TLN2: variants seen among roughly 807,000 people sequenced by gnomAD.
TLN2 encodes talin-2.
TLN2 carries 118 observed loss-of-function variants against 294.7 expected under a neutral mutation model. The observed-to-expected ratio is 0.40, with a 90% CI of 0.34 to 0.47. The LOEUF (loss-of-function observed/expected upper bound fraction) is 0.47, where lower values mean the gene tolerates loss of function less well. Ranked by LOEUF, TLN2 falls within the 20% of genes least tolerant of loss-of-function variation. The pLI, the probability that TLN2 is intolerant of heterozygous loss-of-function variation, is 0.84. For synonymous variants in TLN2, 1,431 were observed against 1,304.5 expected (o/e 1.10, Z -2.09); for missense variants, 3,083 against 3,282.2 (o/e 0.94, Z 1.48).
intron 1 of TLN2, among the ~76,000 whole-genome samples, chr15:62,469,670 CTT>C (rs1372288037): frequency 1.3e-5 from 2 of 152,208 alleles, no homozygotes; most frequent in African/African-American, 4.8e-5. Flanking sequence ...AGTTGGCACT[CTT>C]GAGAGCCACC....
At chr15:62,430,080 T>C (rs1219872239) in intron 1 of TLN2, among the ~76,000 whole-genome samples, 2 of 152,232 alleles carry the variant, frequency 1.3e-5, no homozygotes, top group African/African-American at 4.8e-5. Context: ...CCCTGGAATG[T>C]ATATATAAGT....
At chr15:62,404,842 C>G (rs997938121) in intron 1 of TLN2, among the ~76,000 whole-genome samples, 2 of 152,154 alleles carry the variant, frequency 1.3e-5, no homozygotes, top group African/African-American at 4.8e-5. Context: ...GTTAAAGGAG[C>G]TTGCCCTGTG....
At position 62,794,893 on chromosome 15, in the gene TLN2, C is replaced by T. The variant is rs905823939; in HGVS notation, c.5884-1234C>T. Among the ~76,000 whole-genome samples, 17 of 152,172 alleles carry T rather than the reference C, an allele frequency of 1.1e-4. No homozygotes were observed. In the East Asian group the frequency reaches 1.9e-3, roughly 17 times the overall value. On this transcript the variant is annotated intron_variant, in intron 46 of 58. Transcript: ENST00000636159. ...CAGCATGTTTGAAGAAATCTACCTA[C>T]GAAACGTTGTCAGATTCTTCTTTGG...
chr15:62,767,161 G>T (rs1180745029), intron 41 of TLN2, among the ~76,000 whole-genome samples: 1 of 152,112 alleles, frequency 6.6e-6, no homozygotes, highest in South Asian at 2.1e-4. Context: ...TTCTTGGCAG[G>T]TATCGATTTT....
intron 52 of TLN2, among the ~76,000 whole-genome samples, chr15:62,817,370 T>C (rs560552255): frequency 3.0e-4 from 45 of 152,294 alleles, no homozygotes; most frequent in African/African-American, 1.0e-3. Flanking sequence ...CAGAATGATA[T>C]ATATATAGGC....
intron 1 of TLN2, among the ~76,000 whole-genome samples, chr15:62,442,256 A>T (rs1307728214): frequency 6.6e-6 from 1 of 151,812 alleles, no homozygotes; most frequent in Non-Finnish European, 1.5e-5. Flanking sequence ...AGCACTTGGG[A>T]AGGCCGAGGT....
chr15:62,595,334 C>T (rs913586038), intron 2 of TLN2, among the ~76,000 whole-genome samples: 14 of 148,444 alleles, frequency 9.4e-5, no homozygotes, highest in African/African-American at 3.5e-4. Flanking sequence ...GCAGGAGAAT[C>T]GCTTGAACCT....
chr15:62,459,301 T>C (rs1595856241), intron 1 of TLN2, among the ~76,000 whole-genome samples: 1 of 4,842 alleles, frequency 2.1e-4, no homozygotes, highest in African/African-American at 2.3e-4. Flanking sequence ...CGCTCGGCCT[T>C]TTTTTTTTTT....
intron 28 of TLN2, among the ~76,000 whole-genome samples, chr15:62,733,095 G>C (rs543482505): frequency 5.9e-5 from 9 of 152,304 alleles, no homozygotes; most frequent in Non-Finnish European, 8.8e-5. Flanking sequence ...CAGCTTATCA[G>C]TTGTAATCCT....
chr15:62,412,957 C>G (rs762657418), intron 1 of TLN2, among the ~76,000 whole-genome samples: 10 of 152,098 alleles, frequency 6.6e-5, no homozygotes, highest in Non-Finnish European at 7.3e-5. Flanking sequence ...TCATCACAGC[C>G]CCTGTTTGGA....
At chr15:62,750,544 G>A in intron 34 of TLN2, 53 bp downstream of exon 34, 3 of 1,499,854 alleles carry the variant, frequency 2.0e-6, no homozygotes, top group Non-Finnish European at 9.3e-7. Context: ...TCAATGTGGG[G>A]AGAAGTTTAG....
chr15:62,548,906 G>C (rs1381666996), intron 1 of TLN2, among the ~76,000 whole-genome samples: 1 of 152,118 alleles, frequency 6.6e-6, no homozygotes, highest in Non-Finnish European at 1.5e-5. Flanking sequence ...AAATAATCTT[G>C]AGGAATCCAA....
intron 3 of TLN2, among the ~76,000 whole-genome samples, chr15:62,620,949 C>G (rs1033999595): frequency 1.3e-5 from 2 of 149,928 alleles, no homozygotes; most frequent in African/African-American, 4.9e-5. Flanking sequence ...CACTGTTCTC[C>G]TGCCTCAGCC....
chr15:62,787,081 T>C (rs2064721323), intron 45 of TLN2, among the ~76,000 whole-genome samples: 1 of 151,736 alleles, frequency 6.6e-6, no homozygotes, highest in Non-Finnish European at 1.5e-5. Flanking sequence ...ATTTTTCTAT[T>C]GACAAGGTCT....
intron 38 of TLN2, 24 bp downstream of exon 38, chr15:62,761,845 C>T (rs1328879600): frequency 5.0e-6 from 8 of 1,612,666 alleles, no homozygotes; most frequent in African/African-American, 2.7e-5. Flanking sequence ...ACAGGAACAT[C>T]ATACTAAGGT....
chr15:62,548,059 A>C (rs1378190570), intron 1 of TLN2, among the ~76,000 whole-genome samples: 1 of 152,214 alleles, frequency 6.6e-6, no homozygotes, highest in African/African-American at 2.4e-5. Flanking sequence ...GCCCGAGACT[A>C]TGCTTGTGGA....
intron 57 of TLN2, among the ~76,000 whole-genome samples, 184 bp from the exon 58 acceptor site, chr15:62,838,672 C>T (rs1468109466): frequency 1.3e-5 from 2 of 148,962 alleles, no homozygotes; most frequent in Non-Finnish European, 2.9e-5. Context: ...CAGGTAGGTT[C>T]CAGTGTTGGC....
At chr15:62,488,669 T>C (rs938031347) in intron 1 of TLN2, among the ~76,000 whole-genome samples, 2 of 152,170 alleles carry the variant, frequency 1.3e-5, no homozygotes, top group African/African-American at 4.8e-5. Flanking sequence ...CGGAAAGCCT[T>C]TATAATGTAA....
intron 1 of TLN2, among the ~76,000 whole-genome samples, chr15:62,487,583 A>G (rs1057212850): frequency 6.6e-6 from 1 of 152,070 alleles, no homozygotes; most frequent in Non-Finnish European, 1.5e-5. Flanking sequence ...CTATAATCCA[A>G]GCACTTTTGG....
Sources: gnomAD v4.1 joint callset for allele counts (sites outside exome capture counted in the v4.1 genomes callset) on GRCh38, gnomAD v4.1.1 for gene constraint, MANE v1.5 for transcripts, NCBI Gene and HGNC (gene_info 2026-07-23, HGNC 2026-07-21) for gene names.